SLC5A11: variants seen among roughly 807,000 people sequenced by gnomAD.
The protein encoded by SLC5A11 is solute carrier family 5 member 11.
In SLC5A11, 48 loss-of-function variants were observed where a neutral mutation model predicts 69.8. The ratio of observed to expected loss-of-function variants is 0.69; its 90% CI spans 0.55 to 0.87. The LOEUF (loss-of-function observed/expected upper bound fraction) is 0.87. SLC5A11 is among the 40% of genes least tolerant of loss of function. SLC5A11 has a pLI of 0.00. For synonymous variants in SLC5A11, 319 were observed against 342.4 expected (o/e 0.93, Z 0.75); for missense variants, 784 against 866.1 (o/e 0.91, Z 1.19).
chr16:24,889,029 T>C (rs1418078514), intron 8 of SLC5A11, among the ~76,000 whole-genome samples: 4 of 151,892 alleles, frequency 2.6e-5, no homozygotes, highest in Admixed American at 2.0e-4. Flanking sequence ...ATTCCTGACC[T>C]AAGGTGATGC....
intron 9 of SLC5A11, among the ~76,000 whole-genome samples, chr16:24,892,626 G>A (rs2048888312): frequency 6.6e-6 from 1 of 152,130 alleles, no homozygotes. Flanking sequence ...TTTAAACTGA[G>A]TGAATATATC....
chr16:24,888,308 C>T (rs1420723400), intron 8 of SLC5A11, among the ~76,000 whole-genome samples: 3 of 151,822 alleles, frequency 2.0e-5, no homozygotes, highest in Non-Finnish European at 4.4e-5. Flanking sequence ...GTAAAAGCTG[C>T]AATTACAGAC....
chr16:24,898,089 T>C, exon 10 of SLC5A11: 1 of 1,614,070 alleles, frequency 6.2e-7, no homozygotes, highest in South Asian at 1.1e-5. Context: ...CCTGGGATGG[T>C]CAGCCGCATC....
rs1158614825 is a variant in SLC5A11, at chr16:24,872,314, T to A, written c.372+95T>A. On this transcript the variant is annotated intron_variant, in intron 5 of 15. Coordinates refer to ENST00000347898, the Ensembl canonical transcript of SLC5A11. ...CCCTCATCCCGCCATCCCTCCCTCC[T>A]GCCCATGGTCATGTATTCGATTGCC... 8.5e-6 allele frequency: 12 copies of A among 1,413,936 alleles called. No homozygotes were observed. The South Asian group carries it at 1.3e-4, about 15-fold the overall frequency. 87.6% of individuals were successfully genotyped at this position (1,413,936 alleles called of 1,614,324 possible). A position where few individuals can be genotyped will look rare whatever the true frequency, so the allele number is the denominator to read the frequency against.
intron 3 of SLC5A11, among the ~76,000 whole-genome samples, chr16:24,865,626 C>G (rs1470539645): frequency 6.6e-6 from 1 of 151,910 alleles, no homozygotes; most frequent in Non-Finnish European, 1.5e-5. Context: ...GCTCAAAGTA[C>G]CAAAAGAAAA....
chr16:24,895,447 G>A (rs929798522), intron 9 of SLC5A11, among the ~76,000 whole-genome samples: 4 of 151,214 alleles, frequency 2.6e-5, no homozygotes, highest in Non-Finnish European at 5.9e-5. Flanking sequence ...AGAGATCCCA[G>A]CACTGTACTC....
chr16:24,900,970 C>T (rs1473165597), intron 10 of SLC5A11, among the ~76,000 whole-genome samples: 1 of 150,478 alleles, frequency 6.6e-6, no homozygotes. Context: ...CAACCACATT[C>T]ATTGTGCACT....
chr16:24,876,062 G>A (rs974496938), intron 6 of SLC5A11, among the ~76,000 whole-genome samples: 2 of 152,094 alleles, frequency 1.3e-5, no homozygotes, highest in African/African-American at 4.8e-5. Context: ...CAGGCGTGGT[G>A]GCTGATGCCT....
chr16:24,870,374 CAA>C (rs935261369), intron 4 of SLC5A11, among the ~76,000 whole-genome samples: 8 of 151,018 alleles, frequency 5.3e-5, no homozygotes, highest in African/African-American at 2.0e-4. Flanking sequence ...GCCTGGGTGA[CAA>C]GAGTGAAACT....
At chr16:24,847,583 T>A (rs1164327740) in intron 1 of SLC5A11, among the ~76,000 whole-genome samples, 1 of 152,188 alleles carries the variant, frequency 6.6e-6, no homozygotes, top group East Asian at 1.9e-4. Flanking sequence ...CTCAATCTCC[T>A]GAACTCAAGC....
intron 8 of SLC5A11, among the ~76,000 whole-genome samples, chr16:24,884,879 C>G (rs2048298046): frequency 6.6e-6 from 1 of 151,678 alleles, no homozygotes; most frequent in South Asian, 2.1e-4. Context: ...TAGCTGGGCC[C>G]ACAGGTGTGC....
intron 10 of SLC5A11, among the ~76,000 whole-genome samples, chr16:24,905,233 G>A (rs1439075567): frequency 2.1e-5 from 3 of 145,856 alleles, no homozygotes; most frequent in Non-Finnish European, 4.5e-5. Flanking sequence ...AGACCAGCCT[G>A]GGCAACATGA....
At chr16:24,906,870 G>A in intron 11 of SLC5A11, 106 bp downstream of exon 12, 1 of 1,389,464 alleles carries the variant, frequency 7.2e-7, no homozygotes, top group Non-Finnish European at 9.9e-7. Flanking sequence ...GCTGGTGGGG[G>A]AGGAAGACTC....
At chr16:24,856,549 C>T (rs969862878) in intron 1 of SLC5A11, among the ~76,000 whole-genome samples, 1 of 140,624 alleles carries the variant, frequency 7.1e-6, no homozygotes, top group Non-Finnish European at 1.5e-5. Flanking sequence ...GTCAGGAGAT[C>T]GAGACCATCC....
intron 5 of SLC5A11, among the ~76,000 whole-genome samples, chr16:24,873,418 G>T (rs2047463381): frequency 6.6e-6 from 1 of 152,026 alleles, no homozygotes; most frequent in South Asian, 2.1e-4. Context: ...ATTGCTTGAA[G>T]CCAGGAGTTT....
At position 24,908,188 on chromosome 16, in the gene SLC5A11, G is replaced by C. The variant is rs903358722; in HGVS notation, c.1434+57G>C. The C allele has an allele frequency of 5.3e-6, 8 of 1,509,872 alleles. 1 individual carries two copies. In the South Asian group the frequency reaches 9.4e-5, roughly 18 times the overall value. The allele number at this position is 1,509,872 out of a possible 1,614,324, so 93.5% of individuals were successfully genotyped here. A position where few individuals can be genotyped will look rare whatever the true frequency, so the allele number is the denominator to read the frequency against. On this transcript the variant is annotated intron_variant, in intron 13 of 15. Coordinates refer to ENST00000347898, the Ensembl canonical transcript of SLC5A11. ...CCAAGTGCTGCCCCTTGAGGACTGG[G>C]ATAGGATGGGAGGGGAGGGTGTTGG...
At chr16:24,870,779 C>CCCAA (rs1491343665) in intron 4 of SLC5A11, among the ~76,000 whole-genome samples, 1 of 22,678 alleles carries the variant, frequency 4.4e-5, no homozygotes, top group East Asian at 8.6e-4. Flanking sequence ...GACTCTGTCT[C>CCCAA]ACAAAAAAAA....
At chr16:24,874,597 C>T (rs750108840) in intron 5 of SLC5A11, among the ~76,000 whole-genome samples, 21 of 152,148 alleles carry the variant, frequency 1.4e-4, no homozygotes, top group African/African-American at 4.1e-4. Flanking sequence ...CTTGCTCTGT[C>T]GCTCAGGCTG....
intron 3 of SLC5A11, among the ~76,000 whole-genome samples, chr16:24,867,894 T>C (rs1277097981): frequency 2.0e-5 from 3 of 152,012 alleles, no homozygotes; most frequent in Non-Finnish European, 2.9e-5. Context: ...CCTAGCACTT[T>C]GGGAGGCTGA....
Sources: gnomAD v4.1 joint callset for allele counts (sites outside exome capture counted in the v4.1 genomes callset) on GRCh38, gnomAD v4.1.1 for gene constraint, MANE v1.5 for transcripts, NCBI Gene and HGNC (gene_info 2026-07-23, HGNC 2026-07-21) for gene names.